Variants in DTNA observed in about 807,000 individuals in gnomAD.
DTNA encodes the protein dystrophin-related protein 3.
Under a neutral mutation model 100.7 loss-of-function variants are expected in DTNA, and 43 were observed. The observed-to-expected ratio is 0.43, with a 90% CI of 0.33 to 0.55. The LOEUF (loss-of-function observed/expected upper bound fraction) is 0.55, where lower values mean the gene tolerates loss of function less well. DTNA is among the 20% of genes least tolerant of loss of function. DTNA has a pLI of 0.04. For synonymous variants in DTNA, 349 were observed against 347.9 expected (o/e 1.00, Z -0.04); for missense variants, 798 against 953.9 (o/e 0.84, Z 2.15).
At chr18:34,675,606 C>A (rs1278846151) in intron 1 of DTNA, among the ~76,000 whole-genome samples, 1 of 151,970 alleles carries the variant, frequency 6.6e-6, no homozygotes, top group African/African-American at 2.4e-5. Flanking sequence ...TAGGATTTTT[C>A]TTTTACTACA....
upstream of DTNA, among the ~76,000 whole-genome samples, chr18:34,708,430 A>T (rs942044259): frequency 3.9e-5 from 6 of 152,356 alleles, no homozygotes; most frequent in Admixed American, 1.3e-4. Flanking sequence ...TAAGAATCCA[A>T]AATGAATACC....
At chr18:34,806,411 C>A (rs2095362146) in intron 5 of DTNA, 107 bp downstream of exon 5, 1 of 927,688 alleles carries the variant, frequency 1.1e-6, no homozygotes, top group Non-Finnish European at 1.7e-6. Context: ...TTTCCTCATT[C>A]TATGAGAGTT....
chr18:34,761,462 T>A (rs1260563542), intron 2 of DTNA, among the ~76,000 whole-genome samples: 1 of 151,516 alleles, frequency 6.6e-6, no homozygotes, highest in African/African-American at 2.4e-5. Context: ...AATGAACAAA[T>A]GAATGGGTAG....
intron 1 of DTNA, among the ~76,000 whole-genome samples, chr18:34,685,545 T>C (rs1600176040): frequency 6.6e-6 from 1 of 152,244 alleles, no homozygotes; most frequent in Non-Finnish European, 1.5e-5. Context: ...ACTGTAGCCT[T>C]GTAGTATAGT....
chr18:34,799,211 A>T (rs1010245510), intron 4 of DTNA, among the ~76,000 whole-genome samples: 1 of 152,178 alleles, frequency 6.6e-6, no homozygotes, highest in African/African-American at 2.4e-5. Context: ...AGAGAATACA[A>T]AATCCTGGTA....
chr18:34,525,583 C>T (rs753697374), intron 1 of DTNA, among the ~76,000 whole-genome samples: 1 of 152,068 alleles, frequency 6.6e-6, no homozygotes, highest in Non-Finnish European at 1.5e-5. Context: ...TTTTCTTTGT[C>T]CATCAGGTTT....
At chr18:34,529,221 T>G (rs897051642) in intron 1 of DTNA, among the ~76,000 whole-genome samples, 2 of 152,168 alleles carry the variant, frequency 1.3e-5, no homozygotes, top group African/African-American at 4.8e-5. Context: ...TATATTTATA[T>G]AGGCTGACAT....
intron 5 of DTNA, among the ~76,000 whole-genome samples, chr18:34,807,782 A>C (rs558784814): frequency 6.6e-6 from 1 of 151,156 alleles, no homozygotes; most frequent in African/African-American, 2.4e-5. Context: ...AAAATTAAAA[A>C]CTATCTACCT....
intron 5 of DTNA, 79 bp from the exon 6 acceptor site, chr18:34,811,880 A>C: frequency 6.5e-7 from 1 of 1,549,674 alleles, no homozygotes; most frequent in Non-Finnish European, 8.8e-7. Flanking sequence ...CTTTTTTGTC[A>C]TTTGTAGCAG....
At chr18:34,633,168 T>C (rs1599355646) in intron 1 of DTNA, among the ~76,000 whole-genome samples, 1 of 152,176 alleles carries the variant, frequency 6.6e-6, no homozygotes, top group African/African-American at 2.4e-5. Context: ...TTACAGCCTT[T>C]GGTGAGTTTC....
rs2044133324 is a variant in DTNA at position 34,540,356 on chromosome 18, C to T, written c.-2+46842C>T. Among the ~76,000 whole-genome samples the T allele has an allele frequency of 2.0e-5, 3 of 151,992 alleles. No homozygotes were observed. The South Asian group carries it at 6.2e-4, about 31-fold the overall frequency. ...TGTAGCTCCTAATAGTGGATATTAG[C>T]ATTTATTTCTGGGCTTCCTGTTGTC... On this transcript the variant is annotated intron_variant, in intron 1 of 19. Transcript: ENST00000283365.
At chr18:34,652,987 A>G (rs983834646) in intron 1 of DTNA, among the ~76,000 whole-genome samples, 1 of 152,186 alleles carries the variant, frequency 6.6e-6, no homozygotes, top group East Asian at 1.9e-4. Context: ...CCACATTGCC[A>G]GAACAATGAC....
chr18:34,759,742 C>T (rs771824632), intron 2 of DTNA, among the ~76,000 whole-genome samples: 43 of 152,142 alleles, frequency 2.8e-4, no homozygotes, highest in East Asian at 7.7e-4. Context: ...AGTGCAGTGG[C>T]GCGATCTCAG....
chr18:34,669,984 G>A (rs1228911187), intron 1 of DTNA, among the ~76,000 whole-genome samples: 2 of 152,174 alleles, frequency 1.3e-5, no homozygotes, highest in Non-Finnish European at 2.9e-5. Flanking sequence ...GCCTTGCTAG[G>A]TTGGGGAAGT....
intron 3 of DTNA, among the ~76,000 whole-genome samples, chr18:34,770,188 A>G (rs1468228632): frequency 6.6e-6 from 1 of 152,216 alleles, no homozygotes; most frequent in African/African-American, 2.4e-5. Flanking sequence ...GAAACTCATT[A>G]TAGTATTTAC....
At chr18:34,594,804 A>G (rs2050255889) in intron 1 of DTNA, among the ~76,000 whole-genome samples, 2 of 151,956 alleles carry the variant, frequency 1.3e-5, no homozygotes, top group Admixed American at 1.3e-4. Flanking sequence ...TCTCTGTCCA[A>G]TTTTCCCTCC....
intron 1 of DTNA, among the ~76,000 whole-genome samples, chr18:34,664,785 T>C (rs2075671664): frequency 6.6e-6 from 1 of 152,154 alleles, no homozygotes; most frequent in Non-Finnish European, 1.5e-5. Context: ...TTTTAAAGTT[T>C]ATAAGTTTTC....
At chr18:34,800,887 C>T (rs982843096) in intron 4 of DTNA, among the ~76,000 whole-genome samples, 1 of 152,130 alleles carries the variant, frequency 6.6e-6, no homozygotes, top group African/African-American at 2.4e-5. Context: ...ATTCTCTTCC[C>T]TGCAACTTTT....
intron 1 of DTNA, among the ~76,000 whole-genome samples, chr18:34,565,315 C>CA (rs1438279582): frequency 6.6e-6 from 1 of 152,100 alleles, no homozygotes; most frequent in Non-Finnish European, 1.5e-5. Flanking sequence ...GTCTTGCTTT[C>CA]AAAGAGTGAT....
Sources: allele counts gnomAD v4.1 joint callset (sites outside exome capture counted in the v4.1 genomes callset), GRCh38; gene constraint gnomAD v4.1.1; transcripts MANE v1.5; gene names NCBI Gene and HGNC (gene_info 2026-07-23, HGNC 2026-07-21).